The following ABCA13 variants were observed in gnomAD, a reference collection of about 807,000 sequenced individuals.
ABCA13 encodes ATP-binding cassette sub-family A member 13.
In ABCA13, 476 loss-of-function variants were observed where a neutral mutation model predicts 478.7. The observed-to-expected ratio is 0.99, with a 90% CI of 0.92 to 1.07. The LOEUF (loss-of-function observed/expected upper bound fraction) is 1.07, where lower values mean the gene tolerates loss of function less well. Among genes scored for constraint, ABCA13 ranks in the 50% least tolerant of loss-of-function variants. The pLI is 0.00. For synonymous variants in ABCA13, 2,252 were observed against 2,158.9 expected, an observed-to-expected ratio of 1.04 and a Z score of -1.20; for missense variants, 6,060 against 5,910.6, an observed-to-expected ratio of 1.03 and a Z score of -0.83.
intron 48 of ABCA13, among the ~76,000 whole-genome samples, chr7:48,502,223 G>A (rs971192848): frequency 6.6e-6 from 1 of 152,132 alleles, no homozygotes; most frequent in African/African-American, 2.4e-5. Context: ...TTTCACCAGC[G>A]AGATGGGAGA....
chr7:48,613,210 T>C (rs1371750195), intron 58 of ABCA13, among the ~76,000 whole-genome samples: 1 of 151,844 alleles, frequency 6.6e-6, no homozygotes, highest in Non-Finnish European at 1.5e-5. Context: ...TTTTTTGAGA[T>C]GGAGTCTTAC....
intron 1 of ABCA13, among the ~76,000 whole-genome samples, chr7:48,173,515 G>T (rs1794436576): frequency 6.6e-6 from 1 of 152,218 alleles, no homozygotes; most frequent in Non-Finnish European, 1.5e-5. Context: ...AAGAGCTATA[G>T]TCTGTTCACA....
chr7:48,231,395 G>A (rs764835864), intron 7 of ABCA13, among the ~76,000 whole-genome samples: 1 of 152,140 alleles, frequency 6.6e-6, no homozygotes, highest in African/African-American at 2.4e-5. Flanking sequence ...AAGACTGTGA[G>A]ATACTTGGGC....
At chr7:48,618,435 A>G (rs1268796863) in intron 59 of ABCA13, among the ~76,000 whole-genome samples, 1 of 152,120 alleles carries the variant, frequency 6.6e-6, no homozygotes, top group African/African-American at 2.4e-5. Context: ...ACTGTTTTAA[A>G]ATATAGTGTG....
intron 27 of ABCA13, among the ~76,000 whole-genome samples, chr7:48,330,033 CCATCCAT>C (rs1805017583): frequency 3.8e-4 from 1 of 2,614 alleles, no homozygotes; most frequent in Admixed American, 6.0e-3. Flanking sequence ...ATCTATTTAT[CCATCCAT>C]CCATCCATCC....
chr7:48,399,750 C>T (rs183778298), intron 38 of ABCA13, among the ~76,000 whole-genome samples: 1 of 152,222 alleles, frequency 6.6e-6, no homozygotes, highest in East Asian at 1.9e-4. Flanking sequence ...CAACAACACC[C>T]AACAGTGGAT....
chr7:48,550,711 CATCT>C (rs1440329486), intron 55 of ABCA13, among the ~76,000 whole-genome samples: 1 of 150,668 alleles, frequency 6.6e-6, no homozygotes, highest in African/African-American at 2.4e-5. Flanking sequence ...CTATCTATCT[CATCT>C]ATCTATCTTT....
chr7:48,464,550 C>T (rs1026938628), intron 43 of ABCA13, among the ~76,000 whole-genome samples: 5 of 152,180 alleles, frequency 3.3e-5, no homozygotes, highest in African/African-American at 1.2e-4. Context: ...GCTCTGGAAA[C>T]AAAGTCCTCC....
Position 48,278,747 on chromosome 7 carries a change from C to G in ABCA13, c.7553C>G (p.Ser2518Ter), listed in dbSNP as rs766822451. ...DSADLRDLAT[S>*]MDSIVKLLKL... ...GCTGACCTGAGAGATCTTGCCACAT[C>G]AATGGACTCCATTGTGAAACTTCTT... The change falls in exon 18 of 62, where the codon TCA (serine) becomes TGA (stop). Residue 2518 changes from serine (S) to a stop codon, truncating the protein, a stop_gained. Coordinates refer to ENST00000435803, the MANE Select transcript of ABCA13 (RefSeq NM_152701.5). LOFTEE classifies it high-confidence loss of function. 1 of 1,613,938 alleles carries G rather than the reference C, an allele frequency of 6.2e-7. No individual in the cohort carries two copies. Among genetic ancestry groups the G allele is most frequent in the South Asian group, 1.1e-5 (1 of 91,074 alleles).
intron 55 of ABCA13, among the ~76,000 whole-genome samples, chr7:48,548,616 A>T (rs2131176811): frequency 6.6e-6 from 1 of 150,670 alleles, no homozygotes; most frequent in Admixed American, 6.7e-5. Context: ...TTATGTATTG[A>T]GCTGTGTGAG....
At chr7:48,527,274 G>A (rs1585707784) in intron 54 of ABCA13, among the ~76,000 whole-genome samples, 2 of 152,116 alleles carry the variant, frequency 1.3e-5, no homozygotes, top group East Asian at 3.9e-4. Flanking sequence ...GGAAAACATG[G>A]TAATTGAAGC....
chr7:48,591,042 A>G (rs1050003469), intron 57 of ABCA13, among the ~76,000 whole-genome samples: 1 of 151,760 alleles, frequency 6.6e-6, no homozygotes, highest in Non-Finnish European at 1.5e-5. Flanking sequence ...AGAAACAAGC[A>G]AAACATTGCC....
At chr7:48,583,379 T>C (rs1788882789) in intron 56 of ABCA13, among the ~76,000 whole-genome samples, 1 of 152,202 alleles carries the variant, frequency 6.6e-6, no homozygotes, top group Non-Finnish European at 1.5e-5. Flanking sequence ...ACTTTACGAC[T>C]CATTTTGGTC....
chr7:48,274,374 T>A lies in ABCA13; in HGVS notation c.4708T>A (p.Ser1570Thr), dbSNP rs1796015799. 6.2e-7 allele frequency: 1 copy of A among 1,613,196 alleles called. No homozygotes were observed. The highest frequency in any genetic ancestry group is 1.3e-5 in the African/African-American group (1 of 74,894). ...TTACTTTAACATCCTGGAAAATAATTCCTCTTCTAAAACTGAAAACTTGTT... is the reference window on the plus strand; with the variant it reads ...TTACTTTAACATCCTGGAAAATAATACCTCTTCTAAAACTGAAAACTTGTT... ...GIYFNILENN[S>T]SSKTENLLNI... Residue 1570 changes from serine (S) to threonine (T), a missense_variant, in exon 17 of 62, where the codon TCC becomes ACC. Around this residue, in one of 3 missense-constraint regions of ABCA13, gnomAD observed 4,423 missense variants for 4,309.1 expected, o/e 1.03. Transcript: ENST00000435803.
chr7:48,249,011 T>C (rs1031401366), intron 14 of ABCA13, among the ~76,000 whole-genome samples: 2 of 152,190 alleles, frequency 1.3e-5, no homozygotes, highest in African/African-American at 2.4e-5. Context: ...TAAATTGCTT[T>C]TCCTTATTTT....
At chr7:48,596,958 CT>C (rs538438745) in intron 58 of ABCA13, among the ~76,000 whole-genome samples, 301 of 146,590 alleles carry the variant, frequency 2.1e-3, no homozygotes, top group African/African-American at 6.5e-3. Flanking sequence ...TATCATAACA[CT>C]TTTTTTTTTT....
At chr7:48,469,764 CA>C (rs1218153579) in intron 44 of ABCA13, among the ~76,000 whole-genome samples, 2 of 151,996 alleles carry the variant, frequency 1.3e-5, no homozygotes, top group Non-Finnish European at 2.9e-5. Context: ...ACTAAAGATA[CA>C]AAAAATTAGC....
At chr7:48,381,568 T>C (rs1312824334) in intron 35 of ABCA13, among the ~76,000 whole-genome samples, 1 of 152,124 alleles carries the variant, frequency 6.6e-6, no homozygotes, top group Non-Finnish European at 1.5e-5. Flanking sequence ...CAACTGCAGG[T>C]CTCCACGCTC....
Position 48,245,594 on chromosome 7 carries a change from C to A in ABCA13, c.1473C>A (p.Phe491Leu), listed in dbSNP as rs745787743. 1 of 1,611,214 alleles carries A rather than the reference C, an allele frequency of 6.2e-7. No individual in the cohort carries two copies. The highest frequency in any genetic ancestry group is 8.5e-7 in the Non-Finnish European group (1 of 1,179,150). ...LNQLKLEKDV[F>L]FWELKQMLAK... ...AATTGAAACTGGAAAAGGATGTGTT[C>A]TTTTGGGAGCTGAAACAGGTAAAGC... Residue 491 changes from phenylalanine to leucine, a missense_variant, in exon 12 of 62, where the codon TTC (phenylalanine) becomes TTA (leucine). Phe to Leu is a conservative substitution (Grantham distance 22, BLOSUM62 0). Coordinates refer to ENST00000435803, the MANE Select transcript of ABCA13 (RefSeq NM_152701.5).
Sources: gnomAD v4.1 joint callset for allele counts (sites outside exome capture counted in the v4.1 genomes callset) on GRCh38, gnomAD v4.1.1 for gene constraint, gnomAD v4.1.1 regional missense constraint, MANE v1.5 for transcripts, NCBI Gene and HGNC (gene_info 2026-07-23, HGNC 2026-07-21) for gene names.